Variants in ZNF804B observed in about 807,000 individuals in gnomAD.
The protein encoded by ZNF804B is zinc finger protein 804B, also known as zinc finger 804B.
In ZNF804B, 80 loss-of-function variants were observed where a neutral mutation model predicts 101.4. The observed-to-expected ratio is 0.79, with a 90% CI of 0.66 to 0.95. ZNF804B has a LOEUF of 0.95. Ranked by LOEUF, ZNF804B falls within the 40% of genes least tolerant of loss-of-function variation. The pLI is 0.00. For synonymous variants in ZNF804B, 622 were observed against 558.8 expected, an observed-to-expected ratio of 1.11 and a Z score of -1.59; for missense variants, 1,673 against 1,561.9, an observed-to-expected ratio of 1.07 and a Z score of -1.20.
At chr7:88,987,976 C>CCTTCCTTTT (rs530438789) in intron 1 of ZNF804B, among the ~76,000 whole-genome samples, 84 of 151,922 alleles carry the variant, frequency 5.5e-4, no homozygotes, top group Non-Finnish European at 9.7e-4. Flanking sequence ...CATCCCTCCT[C>CCTTCCTTTT]CTTCCTTTTC....
intron 1 of ZNF804B, among the ~76,000 whole-genome samples, chr7:89,018,091 T>C (rs1018110869): frequency 2.0e-5 from 3 of 152,134 alleles, no homozygotes; most frequent in Admixed American, 6.6e-5. Context: ...CTTCGCATGT[T>C]CGATATATTA....
In ZNF804B at chr7:88,874,840, A is replaced by C. The variant is rs866032334; in HGVS notation, c.108+114756A>C. Among the ~76,000 whole-genome samples the C allele has an allele frequency of 2.9e-4, 44 of 150,918 alleles. No individual in the cohort carries two copies. The Middle Eastern group carries it at 0.014, about 47-fold the overall frequency. ...GACATCTACAGAACTCCCCACCCCAAATCAACAGAATATACATTTTTTTCA... is the reference window on the plus strand; with the variant it reads ...GACATCTACAGAACTCCCCACCCCACATCAACAGAATATACATTTTTTTCA... On this transcript the variant is annotated intron_variant, in intron 1 of 3. Coordinates refer to ENST00000333190, the MANE Select transcript of ZNF804B (RefSeq NM_181646.5).
chr7:88,859,207 G>A (rs1791613825), intron 1 of ZNF804B, among the ~76,000 whole-genome samples: 1 of 151,996 alleles, frequency 6.6e-6, no homozygotes, highest in Non-Finnish European at 1.5e-5. Flanking sequence ...GTGTGTTTGT[G>A]TGTGTGTGCT....
chr7:88,946,752 G>T (rs986240673), intron 1 of ZNF804B, among the ~76,000 whole-genome samples: 9 of 151,626 alleles, frequency 5.9e-5, no homozygotes, highest in African/African-American at 2.2e-4. Flanking sequence ...TTGATTGGTA[G>T]GCTATTAATT....
chr7:89,268,383 A>G (rs1789831216), intron 2 of ZNF804B, among the ~76,000 whole-genome samples: 1 of 152,128 alleles, frequency 6.6e-6, no homozygotes, highest in South Asian at 2.1e-4. Context: ...TCTCATGTGT[A>G]CATTCAGCAT....
intron 1 of ZNF804B, among the ~76,000 whole-genome samples, chr7:89,186,529 G>T (rs1032218945): frequency 6.6e-6 from 1 of 151,934 alleles, no homozygotes; most frequent in Non-Finnish European, 1.5e-5. Flanking sequence ...GTGGCCAAAT[G>T]CATGTAGCCA....
At chr7:89,086,650 T>C (rs1187615123) in intron 1 of ZNF804B, among the ~76,000 whole-genome samples, 2 of 152,020 alleles carry the variant, frequency 1.3e-5, no homozygotes, top group Non-Finnish European at 2.9e-5. Context: ...AATTGAGTCA[T>C]TTAACAATCA....
intron 1 of ZNF804B, among the ~76,000 whole-genome samples, chr7:88,902,933 GTTA>G (rs1371659500): frequency 1.3e-5 from 2 of 152,004 alleles, no homozygotes; most frequent in Non-Finnish European, 2.9e-5. Context: ...TTTTATTTAT[GTTA>G]TTATTTTTTA....
intron 1 of ZNF804B, among the ~76,000 whole-genome samples, chr7:88,774,529 C>G (rs930463322): frequency 2.0e-5 from 3 of 152,170 alleles, no homozygotes; most frequent in African/African-American, 7.2e-5. Flanking sequence ...GGAGGATTCT[C>G]TGTTCCTAGT....
intron 1 of ZNF804B, among the ~76,000 whole-genome samples, chr7:88,791,218 C>T (rs948296333): frequency 1.3e-5 from 2 of 152,054 alleles, no homozygotes; most frequent in African/African-American, 4.8e-5. Flanking sequence ...CTTTATTCAA[C>T]TGCCAAAGGG....
chr7:89,141,022 T>C (rs1790708856), intron 1 of ZNF804B, among the ~76,000 whole-genome samples: 1 of 152,010 alleles, frequency 6.6e-6, no homozygotes, highest in African/African-American at 2.4e-5. Context: ...TTAATTGGCC[T>C]AATTTCAATA....
chr7:88,859,499 A>G (rs960554120), intron 1 of ZNF804B, among the ~76,000 whole-genome samples: 2 of 152,126 alleles, frequency 1.3e-5, no homozygotes, highest in African/African-American at 4.8e-5. Context: ...ATTCAGCAAA[A>G]TTTTATTTGG....
At chr7:89,008,718 C>T (rs989952777) in intron 1 of ZNF804B, among the ~76,000 whole-genome samples, 1 of 152,082 alleles carries the variant, frequency 6.6e-6, no homozygotes, top group African/African-American at 2.4e-5. Context: ...GGCATGATAT[C>T]CCGCCTTTAT....
chr7:88,959,696 C>G (rs528980541), intron 1 of ZNF804B, among the ~76,000 whole-genome samples: 2 of 151,470 alleles, frequency 1.3e-5, no homozygotes, highest in South Asian at 2.1e-4. Flanking sequence ...CTCATCTCCT[C>G]CCACCTCTAT....
intron 2 of ZNF804B, among the ~76,000 whole-genome samples, chr7:89,270,758 GTTC>G (rs1789880123): frequency 6.6e-6 from 1 of 152,126 alleles, no homozygotes; most frequent in Non-Finnish European, 1.5e-5. Flanking sequence ...ATGGTTTGTA[GTTC>G]TTCTTGAAGA....
chr7:89,175,193 A>G (rs1053092383), intron 1 of ZNF804B, among the ~76,000 whole-genome samples: 1 of 151,792 alleles, frequency 6.6e-6, no homozygotes, highest in African/African-American at 2.4e-5. Flanking sequence ...TTTTCTTTTC[A>G]TATTTTTATG....
intron 1 of ZNF804B, among the ~76,000 whole-genome samples, chr7:89,116,357 A>C (rs996957468): frequency 6.6e-6 from 1 of 152,174 alleles, no homozygotes; most frequent in East Asian, 1.9e-4. Flanking sequence ...AAACTTAGAA[A>C]ATACAAGGTT....
chr7:89,171,615 A>G (rs1791238688), intron 1 of ZNF804B, among the ~76,000 whole-genome samples: 1 of 151,862 alleles, frequency 6.6e-6, no homozygotes, highest in South Asian at 2.1e-4. Flanking sequence ...TTGTAGTTTT[A>G]GTAGAAAATG....
In ZNF804B at chr7:89,337,556, A is replaced by G. The variant is rs1484216755; in HGVS notation, c.*524A>G. On this transcript the variant is annotated 3_prime_UTR_variant, in exon 4 of 4. Transcript: ENST00000333190. ...TTACTGTATTTTCATAGGAAATAAG[A>G]ACAAGACATTTTCTGATTAATTTAG... is the stretch of plus-strand genomic sequence containing the variant. 1.3e-5 allele frequency among the ~76,000 whole-genome samples: 2 copies of G among 152,178 alleles called. No homozygotes were observed. The highest frequency in any genetic ancestry group is 2.9e-5 in the Non-Finnish European group (2 of 67,988).
Sources: allele counts gnomAD v4.1 joint callset (sites outside exome capture counted in the v4.1 genomes callset), GRCh38; gene constraint gnomAD v4.1.1; transcripts MANE v1.5; gene names NCBI Gene and HGNC (gene_info 2026-07-23, HGNC 2026-07-21).